The following PIEZO2 variants were observed in gnomAD, a reference collection of about 807,000 sequenced individuals.
PIEZO2 encodes the protein piezo-type mechanosensitive ion channel component 2.
In PIEZO2, 172 loss-of-function variants were observed where a neutral mutation model predicts 337.3. That is an observed-to-expected ratio of 0.51 (90% confidence interval 0.45 to 0.58). PIEZO2 has a LOEUF of 0.58. Ranked by LOEUF, PIEZO2 falls within the 20% of genes least tolerant of loss-of-function variation. The pLI, the probability that PIEZO2 is intolerant of heterozygous loss-of-function variation, is 0.00. For synonymous variants in PIEZO2, 1,251 were observed against 1,228.5 expected, an observed-to-expected ratio of 1.02 and a Z score of -0.38; for missense variants, 3,028 against 3,391.3, an observed-to-expected ratio of 0.89 and a Z score of 2.66.
At chr18:11,090,709 A>T (rs1215511437) in intron 1 of PIEZO2, among the ~76,000 whole-genome samples, 2 of 152,190 alleles carry the variant, frequency 1.3e-5, no homozygotes, top group Non-Finnish European at 2.9e-5. Flanking sequence ...CAGGAGATCA[A>T]GACCATCCTG....
intron 7 of PIEZO2, among the ~76,000 whole-genome samples, chr18:10,809,330 G>T (rs371805432): frequency 7.4e-6 from 1 of 135,720 alleles, no homozygotes; most frequent in Non-Finnish European, 1.5e-5. Flanking sequence ...GAGTACAGTG[G>T]CGCAATCTCG....
At chr18:10,810,683 C>T (rs2040160568) in intron 7 of PIEZO2, among the ~76,000 whole-genome samples, 1 of 152,170 alleles carries the variant, frequency 6.6e-6, no homozygotes, top group African/African-American at 2.4e-5. Flanking sequence ...TGCTATTCCT[C>T]GTTTTACCAG....
At chr18:10,968,675 C>G (rs1324282990) in intron 3 of PIEZO2, among the ~76,000 whole-genome samples, 1 of 150,812 alleles carries the variant, frequency 6.6e-6, no homozygotes, top group African/African-American at 2.5e-5. Context: ...TAATGTGATA[C>G]ACATTTGCAA....
At position 10,681,694 on chromosome 18, in the gene PIEZO2, A is replaced by G. The variant is rs755669426; in HGVS notation, c.7746T>C (p.Phe2582=). 22 of 1,610,446 alleles carry G rather than the reference A, an allele frequency of 1.4e-5. No individual in the cohort carries two copies. Among genetic ancestry groups the G allele is most frequent in the Non-Finnish European group, 1.8e-5 (21 of 1,176,820 alleles). ...SQLKVMDQQS[F]NKFIQAFSRD... ...TAGAAAAAGCTTGTATAAATTTGTT[A>G]AAGCTCTGCTGGTCCATAACTTTCA... The change falls in exon 51 of 56, where the codon TTT becomes TTC. Residue 2582 remains phenylalanine (F), a synonymous_variant. Transcript: ENST00000674853.
rs1269295788 is a variant in PIEZO2, at chr18:10,813,326, CAT to C, written c.918-6054_918-6053del. Among the ~76,000 whole-genome samples the C allele has an allele frequency of 6.6e-6, 1 of 152,164 alleles. No homozygotes were observed. Among genetic ancestry groups the C allele is most frequent in the Non-Finnish European group, 1.5e-5 (1 of 68,034 alleles). The stretch of plus-strand genomic sequence containing the variant: ...ACAGTTCAGTGGTATTAATTACACT[CAT>C]ATTGTTGCGAAACCAATCGCCAGAA... On this transcript the variant is annotated intron_variant, in intron 7 of 55. Coordinates refer to ENST00000674853, the MANE Select transcript of PIEZO2 (RefSeq NM_001378183.1). This position sits in a 1 kb window ranked among gnomAD's most constrained non-coding sequence, Gnocchi z 4.2.
At chr18:10,883,432 G>A (rs1426689324) in intron 4 of PIEZO2, among the ~76,000 whole-genome samples, 1 of 151,776 alleles carries the variant, frequency 6.6e-6, no homozygotes, top group Non-Finnish European at 1.5e-5. Context: ...AGCACCTCTT[G>A]TTGCTATTGT....
rs764041698 is a variant in PIEZO2, at chr18:11,021,792, G to A, written c.161-42132C>T. ...TGTGAGGCATCATCTAGACGCTGGGGGACTGCAGATGCAAACCAGGAAAAT... is the reference window on the plus strand; with the variant it reads ...TGTGAGGCATCATCTAGACGCTGGGAGACTGCAGATGCAAACCAGGAAAAT... On this transcript the variant is annotated intron_variant, in intron 2 of 55. Coordinates refer to ENST00000674853, the MANE Select transcript of PIEZO2 (RefSeq NM_001378183.1). This position sits in a 1 kb window ranked among gnomAD's most constrained non-coding sequence, Gnocchi z 4.7. Among the ~76,000 whole-genome samples, 9 of 152,264 alleles carry A rather than the reference G, an allele frequency of 5.9e-5. No homozygotes were observed. The highest frequency in any genetic ancestry group is 1.2e-4 in the Non-Finnish European group (8 of 68,012).
In PIEZO2 at chr18:10,815,502, T is replaced by TTAGA. The variant is rs2040335038; in HGVS notation, c.918-8232_918-8229dup. Among the ~76,000 whole-genome samples the TTAGA allele has an allele frequency of 6.6e-6, 1 of 152,226 alleles. No homozygotes were observed. The highest frequency in any genetic ancestry group is 2.4e-5 in the African/African-American group (1 of 41,456). On this transcript the variant is annotated intron_variant, in intron 7 of 55. Coordinates refer to ENST00000674853, the MANE Select transcript of PIEZO2 (RefSeq NM_001378183.1). This position sits in a 1 kb window ranked among gnomAD's most constrained non-coding sequence, Gnocchi z 4.1. ...GAACTGCTTTTCATGACACTTCAAC[T>TTAGA]TAGAATTGCTGAAACGGGCCTTGAA...
rs2039334969 is a variant in PIEZO2, at chr18:10,789,313, TTCTTCCTCC to T, written c.1926_1934del (p.Glu645_Glu647del). On this transcript the variant is annotated inframe_deletion, in exon 15 of 56. Transcript: ENST00000674853. ...CTTGCTTCTCTTCCTTCGCTTCCTC[TTCTTCCTCC>T]TCTTTGGGCTCTCCTTCCACTTGTA... is the stretch of plus-strand genomic sequence containing the variant. 1 of 1,537,248 alleles carries T rather than the reference TTCTTCCTCC, an allele frequency of 6.5e-7. No individual in the cohort carries two copies. The highest frequency in any genetic ancestry group is 1.2e-5 in the South Asian group (1 of 84,062).
rs1196155017 is a variant in PIEZO2 at position 11,143,733 on chromosome 18, C to T, written c.64+4792G>A. Reference sequence around the variant, plus strand: ...GCACTAAGTTGCCTTCCCGTGAATCCCACATCCTCAGATCAGCCTTCTCCT... The same window carrying T: ...GCACTAAGTTGCCTTCCCGTGAATCTCACATCCTCAGATCAGCCTTCTCCT... On this transcript the variant is annotated intron_variant, in intron 1 of 55. Coordinates refer to ENST00000674853, the MANE Select transcript of PIEZO2 (RefSeq NM_001378183.1). This position sits in a 1 kb window ranked among gnomAD's most constrained non-coding sequence, Gnocchi z 4.9. Among the ~76,000 whole-genome samples, 2 of 150,378 alleles carry T rather than the reference C, an allele frequency of 1.3e-5. No homozygotes were observed. Among genetic ancestry groups the T allele is most frequent in the Admixed American group, 1.3e-4 (2 of 15,014 alleles).
At chr18:10,758,962 T>C (rs2038005607) in intron 26 of PIEZO2, among the ~76,000 whole-genome samples, 1 of 152,174 alleles carries the variant, frequency 6.6e-6, no homozygotes, top group Non-Finnish European at 1.5e-5. Context: ...ATTTGCATTT[T>C]CTGTAAAACC....
Position 10,944,651 on chromosome 18 carries a change from A to G in PIEZO2, c.287-33423T>C, listed in dbSNP as rs527527732. Among the ~76,000 whole-genome samples, 10 of 151,620 alleles carry G rather than the reference A, an allele frequency of 6.6e-5. No individual in the cohort carries two copies. In the South Asian group the frequency reaches 2.1e-3, roughly 32 times the overall value. On this transcript the variant is annotated intron_variant, in intron 3 of 55. Coordinates refer to ENST00000674853, the MANE Select transcript of PIEZO2 (RefSeq NM_001378183.1). Reference sequence around the variant, plus strand: ...GACAGGAAAAGCAGATTGCCTAAAAAGGAGGAAAATTAGTGTGAACACAAC... The same window carrying G: ...GACAGGAAAAGCAGATTGCCTAAAAGGGAGGAAAATTAGTGTGAACACAAC...
In PIEZO2 at chr18:10,895,429, G is replaced by C. The variant is rs900788744; in HGVS notation, c.329+15757C>G. On this transcript the variant is annotated intron_variant, in intron 4 of 55. Coordinates refer to ENST00000674853, the MANE Select transcript of PIEZO2 (RefSeq NM_001378183.1). This position sits in a 1 kb window ranked among gnomAD's most constrained non-coding sequence, Gnocchi z 4.8. ...CCACAGCACTCCAGCCTGGGCAACAGAGCAAGACTCCGTCTCAAAAATAAT... is the reference window on the plus strand; with the variant it reads ...CCACAGCACTCCAGCCTGGGCAACACAGCAAGACTCCGTCTCAAAAATAAT... 6.6e-6 allele frequency among the ~76,000 whole-genome samples: 1 copy of C among 151,986 alleles called. No homozygotes were observed. The highest frequency in any genetic ancestry group is 2.4e-5 in the African/African-American group (1 of 41,362).
chr18:10,845,661 C>T (rs1003913869), intron 7 of PIEZO2, among the ~76,000 whole-genome samples: 3 of 152,140 alleles, frequency 2.0e-5, no homozygotes, highest in Admixed American at 6.5e-5. Context: ...TTTTCAAGAC[C>T]AGGACCCCCA....
chr18:10,703,379 G>C (rs1321841807), intron 42 of PIEZO2, among the ~76,000 whole-genome samples: 1 of 152,196 alleles, frequency 6.6e-6, no homozygotes, highest in Non-Finnish European at 1.5e-5. Flanking sequence ...ATATATATTT[G>C]ACTTCACATC....
At position 10,675,227 on chromosome 18, in the gene PIEZO2, T is replaced by C. The variant is rs781648426; in HGVS notation, c.8143A>G (p.Ile2715Val). Residue 2715 changes from isoleucine to valine, a missense_variant, in exon 54 of 56, where the codon ATA (isoleucine) becomes GTA (valine). This residue lies in a region of PIEZO2 where 332 missense variants were observed against 363.8 expected (regional missense o/e 0.91). Transcript: ENST00000674853. ...KAPSDSNSKPIKQLLSENNFM... is the reference protein window; with the variant it reads ...KAPSDSNSKPVKQLLSENNFM... ...TTCTTACCAGATAAAAGTTGCTTTA[T>C]AGGTTTTGAGTTAGAATCACTAGGT... 67 of 1,558,082 alleles carry C rather than the reference T, an allele frequency of 4.3e-5. No individual in the cohort carries two copies. Among genetic ancestry groups the C allele is most frequent in the Non-Finnish European group, 5.3e-5 (61 of 1,146,344 alleles).
chr18:11,040,232 T>C (rs11659268), intron 2 of PIEZO2, among the ~76,000 whole-genome samples: 17,674 of 142,208 alleles, frequency 0.12, 1,098 homozygotes, highest in Middle Eastern at 0.14. Context: ...TTTTAGCTAT[T>C]TCTTCTATTA....
At chr18:10,718,155 C>A in intron 37 of PIEZO2, 45 bp downstream of exon 37, 1 of 1,471,682 alleles carries the variant, frequency 6.8e-7, no homozygotes, top group Non-Finnish European at 9.2e-7. Context: ...GGGCAGGTAT[C>A]ATTTTCAAAG....
chr18:11,000,221 G>A (rs2046302), intron 2 of PIEZO2, among the ~76,000 whole-genome samples: 7,792 of 152,168 alleles, frequency 0.051, 432 homozygotes, highest in African/African-American at 0.13. Flanking sequence ...TCCACTGCAT[G>A]CCTTCAAGTG....
Sources: gnomAD v4.1 joint callset for allele counts (sites outside exome capture counted in the v4.1 genomes callset) on GRCh38, gnomAD v4.1.1 for gene constraint, gnomAD v4.1.1 regional missense constraint, Gnocchi (gnomAD v3.1) non-coding constraint, MANE v1.5 for transcripts, NCBI Gene and HGNC (gene_info 2026-07-23, HGNC 2026-07-21) for gene names.